NDRG4: variants seen among roughly 807,000 people sequenced by gnomAD.
NDRG4 encodes the protein protein NDRG4.
Under a neutral mutation model 55.8 loss-of-function variants are expected in NDRG4, and 38 were observed. The ratio of observed to expected loss-of-function variants is 0.68; its 90% CI spans 0.53 to 0.89. The LOEUF (loss-of-function observed/expected upper bound fraction) is 0.89. Among genes scored for constraint, NDRG4 ranks in the 40% least tolerant of loss-of-function variants. NDRG4 has a pLI of 0.00. For synonymous variants in NDRG4, 190 were observed against 182.7 expected (o/e 1.04, Z -0.32); for missense variants, 455 against 468.6 (o/e 0.97, Z 0.27).
At position 58,507,593 on chromosome 16, in the gene NDRG4, G is replaced by A. The variant is rs16960198; in HGVS notation, c.621-215G>A. 5.6e-3 allele frequency: 3,162 copies of A among 561,666 alleles called. 90 individuals are homozygous for A. The highest frequency in any genetic ancestry group is 0.054 in the African/African-American group (2,884 of 53,410). The allele number at this position is 561,666 out of a possible 1,614,324, so 34.8% of individuals were successfully genotyped here. A position where few individuals can be genotyped will look rare whatever the true frequency, so the allele number is the denominator to read the frequency against. ...AAACTCCCACAGCACAGGTGGCGGT[G>A]CGCATGGCTCTGAGGGGGATAGAGA... On this transcript the variant is annotated intron_variant, in intron 8 of 14. Transcript: ENST00000570248.
At chr16:58,504,090 G>A (rs895348715) in intron 2 of NDRG4, 64 bp from the exon 3 acceptor site, 4 of 1,605,012 alleles carry the variant, frequency 2.5e-6, no homozygotes, top group South Asian at 2.2e-5. Context: ...CCCTCTGGGG[G>A]CCCGGCCTTC....
At chr16:58,496,421 C>T (rs1235688421), upstream of NDRG4, among the ~76,000 whole-genome samples, 3 of 151,990 alleles carry the variant, frequency 2.0e-5, no homozygotes, top group African/African-American at 4.8e-5. Context: ...GCATTTTTTT[C>T]GTTTTTTGTT....
In NDRG4 at chr16:58,510,693, C is replaced by T. The variant is rs112760101; in HGVS notation, c.904+10C>T. 345 of 1,535,844 alleles carry T rather than the reference C, an allele frequency of 2.2e-4. No individual in the cohort carries two copies. The African/African-American group carries it at 3.8e-3, about 17-fold the overall frequency. On this transcript the variant is annotated intron_variant, in intron 14 of 14. Transcript: ENST00000570248. ...CTGAGTGGAGGAGCAGGTAGCCCCACGGCCCTTCCCCTGATGCATGGACGC... is the reference window on the plus strand; with the variant it reads ...CTGAGTGGAGGAGCAGGTAGCCCCATGGCCCTTCCCCTGATGCATGGACGC...
At position 58,464,690 on chromosome 16, in the gene NDRG4, C is replaced by A. The variant is rs2031227028; in HGVS notation, c.-24+893C>A. 3 of 1,152,372 alleles carry A rather than the reference C, an allele frequency of 2.6e-6. No individual in the cohort carries two copies. Among genetic ancestry groups the A allele is most frequent in the Non-Finnish European group, 3.3e-6 (3 of 902,738 alleles). 71.4% of individuals were successfully genotyped at this position (1,152,372 alleles called of 1,614,324 possible). A position where few individuals can be genotyped will look rare whatever the true frequency, so the allele number is the denominator to read the frequency against. ...GCTGGCGTCCGGGCTGCGGGAGCAC[C>A]GGTCAGGGGGTGGCCCCATGGGGTC... On this transcript the variant is annotated intron_variant, in intron 1 of 15. Coordinates refer to the NDRG4 transcript ENST00000258187. The surrounding 1 kb of genome is among the most constrained non-coding windows in gnomAD (Gnocchi z 4.8).
In NDRG4 at chr16:58,511,725, C is replaced by G. The variant is rs2151858675; in HGVS notation, c.*149C>G. 1 of 934,184 alleles carries G rather than the reference C, an allele frequency of 1.1e-6. No homozygotes were observed. The highest frequency in any genetic ancestry group is 2.0e-5 in the Admixed American group (1 of 50,520). 57.9% of individuals were successfully genotyped at this position (934,184 alleles called of 1,614,324 possible). On this transcript the variant is annotated 3_prime_UTR_variant, in exon 15 of 15. Transcript: ENST00000570248. ...AATGAGGGGATCTTAGATGCTGCAG[C>G]AGAACAGTCTCCAGGTGTTTTAAGG...
chr16:58,483,499 G>A (rs1039023245), intron 1 of NDRG4, among the ~76,000 whole-genome samples: 6 of 152,134 alleles, frequency 3.9e-5, no homozygotes, highest in African/African-American at 1.4e-4. Flanking sequence ...CACACTCCCC[G>A]GTGCTCTTTT....
In NDRG4 at chr16:58,504,376, T is replaced by C. The variant is rs748663748; in HGVS notation, c.266T>C (p.Met89Thr). The C allele has an allele frequency of 5.0e-6, 8 of 1,613,168 alleles. No individual in the cohort carries two copies. In the East Asian group the frequency reaches 1.1e-4, roughly 22 times the overall value. The change falls in exon 4 of 15, where the codon ATG (methionine) becomes ACG (threonine). Residue 89 changes from methionine to threonine, a missense_variant. Met to Thr is a moderately conservative substitution (Grantham distance 81). Coordinates refer to ENST00000570248, the MANE Select transcript of NDRG4 (RefSeq NM_001242835.2). Reference protein sequence around the residue: ...QFPQGYQFPSMEQLAAMLPSV... With the variant: ...QFPQGYQFPSTEQLAAMLPSV... ...GCCTGCAGGTACCAGTTCCCCTCCA[T>C]GGAGCAGCTGGCTGCCATGCTCCCC...
At chr16:58,498,660 C>T (rs958253169), upstream of NDRG4, among the ~76,000 whole-genome samples, 4 of 152,154 alleles carry the variant, frequency 2.6e-5, no homozygotes, top group Admixed American at 2.0e-4. Flanking sequence ...GCTTGGCTCT[C>T]GGGTATCTGG....
At chr16:58,480,807 G>A (rs534996748) in intron 1 of NDRG4, among the ~76,000 whole-genome samples, 1 of 152,094 alleles carries the variant, frequency 6.6e-6, no homozygotes, top group East Asian at 1.9e-4. Context: ...AGATGATAGA[G>A]TCCCAGCCTG....
intron 1 of NDRG4, chr16:58,475,769 G>C: frequency 2.5e-6 from 1 of 405,580 alleles, no homozygotes; most frequent in South Asian, 1.8e-5. Context: ...CCAGCCAGGA[G>C]GCAGGAGGAA....
chr16:58,500,348 C>G (rs576676198), intron 1 of NDRG4, 79 bp downstream of exon 1: 111 of 1,498,092 alleles, frequency 7.4e-5, no homozygotes, highest in Middle Eastern at 2.3e-4. Context: ...GAGGAAGTGC[C>G]CCCCTCAACC....
Position 58,504,611 on chromosome 16 carries a change from G to A in NDRG4, c.334G>A (p.Gly112Arg), listed in dbSNP as rs1210771270. 1.4e-5 allele frequency: 23 copies of A among 1,614,056 alleles called. No individual in the cohort carries two copies. The highest frequency in any genetic ancestry group is 3.3e-5 in the Admixed American group (2 of 59,996). ...CAGGTTCAAGTATGTGATTGGCATC[G>A]GAGTGGGCGCCGGAGCCTATGTGCT... ...HFGFKYVIGI[G>R]VGAGAYVLAK... is the part of the protein sequence containing the mutation. Residue 112 changes from glycine (G) to arginine (R), a missense_variant, in exon 5 of 15, where the codon GGA (glycine) becomes AGA (arginine). By Grantham distance (125) the Gly-to-Arg change is moderately radical (BLOSUM62 -2). Transcript: ENST00000570248.
chr16:58,504,665 C>A lies in NDRG4; in HGVS notation c.372+16C>A, dbSNP rs780137821. 6.2e-6 allele frequency: 10 copies of A among 1,613,934 alleles called. No individual in the cohort carries two copies. The African/African-American group carries it at 9.3e-5, about 15-fold the overall frequency. On this transcript the variant is annotated intron_variant, in intron 5 of 14. Coordinates refer to ENST00000570248, the MANE Select transcript of NDRG4 (RefSeq NM_001242835.2). ...CAAGTTTGCAGTGAGTCTCCCCATGCCCCCATTACCCCAAACACCAGGGCA... is the reference window on the plus strand; with the variant it reads ...CAAGTTTGCAGTGAGTCTCCCCATGACCCCATTACCCCAAACACCAGGGCA...
intron 2 of NDRG4, chr16:58,487,862 T>C: frequency 6.6e-7 from 1 of 1,525,018 alleles, no homozygotes; most frequent in South Asian, 1.2e-5. Flanking sequence ...TGAGTTGGAG[T>C]CGCGCCTTTG....
chr16:58,474,112 C>T (rs1033487290), intron 1 of NDRG4, among the ~76,000 whole-genome samples: 1 of 141,458 alleles, frequency 7.1e-6, no homozygotes, highest in Non-Finnish European at 1.5e-5. Flanking sequence ...TCTCAGCTCA[C>T]TGCAACCTCT....
At chr16:58,496,854 C>A (rs1034202675), upstream of NDRG4, 1 of 152,140 alleles carries the variant, frequency 6.6e-6, no homozygotes, top group African/African-American at 2.4e-5. Context: ...GTTACCAAAC[C>A]TCCCTGTGCT....
In NDRG4 at chr16:58,504,639, C is replaced by T. The variant is rs1298663071; in HGVS notation, c.362C>T (p.Ala121Val). 1.9e-6 allele frequency: 3 copies of T among 1,614,170 alleles called. No homozygotes were observed. Among genetic ancestry groups the T allele is most frequent in the Admixed American group, 1.7e-5 (1 of 60,026 alleles). Residue 121 changes from alanine (A) to valine (V), a missense_variant, in exon 5 of 15, where the codon GCC becomes GTC. Ala to Val is a moderately conservative substitution (Grantham distance 64). Coordinates refer to ENST00000570248, the MANE Select transcript of NDRG4 (RefSeq NM_001242835.2). ...GTGGGCGCCGGAGCCTATGTGCTGGCCAAGTTTGCAGTGAGTCTCCCCATG... is the reference window on the plus strand; with the variant it reads ...GTGGGCGCCGGAGCCTATGTGCTGGTCAAGTTTGCAGTGAGTCTCCCCATG... ...IGVGAGAYVL[A>V]KFALIFPDLV...
Position 58,509,243 on chromosome 16 carries a change from C to T in NDRG4, c.813+54C>T, listed in dbSNP as rs78732486. ...ATCTATGGGGAGGGGGAAGCCTCTA[C>T]CCTACCTGCTAATCCTAGGCAGCCA... On this transcript the variant is annotated intron_variant, in intron 12 of 14. Coordinates refer to ENST00000570248, the MANE Select transcript of NDRG4 (RefSeq NM_001242835.2). The T allele has an allele frequency of 3.6e-4, 578 of 1,613,890 alleles. 3 individuals carry two copies. The East Asian group carries it at 9.9e-3, about 28-fold the overall frequency.
chr16:58,469,219 G>T (rs532947893), intron 1 of NDRG4, among the ~76,000 whole-genome samples: 1 of 152,296 alleles, frequency 6.6e-6, no homozygotes, highest in African/African-American at 2.4e-5. Context: ...GCCCTAGGAG[G>T]CTGAAAGCAG....
Sources: allele counts gnomAD v4.1 joint callset (sites outside exome capture counted in the v4.1 genomes callset), GRCh38; gene constraint gnomAD v4.1.1; non-coding constraint Gnocchi (gnomAD v3.1); transcripts MANE v1.5; gene names NCBI Gene and HGNC (gene_info 2026-07-23, HGNC 2026-07-21).